GAS2L3: variants seen among roughly 807,000 people sequenced by gnomAD.
GAS2L3 encodes GAS2-like protein 3.
Under a neutral mutation model 37.0 loss-of-function variants are expected in GAS2L3, and 28 were observed. That is an observed-to-expected ratio of 0.76 (90% CI 0.56 to 1.04). GAS2L3 has a LOEUF of 1.04. Ranked by LOEUF, GAS2L3 falls within the 50% of genes least tolerant of loss-of-function variation. The probability of loss-of-function intolerance (pLI) is 0.00; values close to 1 mark genes in which losing one functional copy is unlikely to be tolerated. For missense variants in GAS2L3, 793 were observed against 817.6 expected (o/e 0.97, Z 0.37); for synonymous variants, 290 against 296.6 (o/e 0.98, Z 0.23).
chr12:100,591,490 A>G (rs1203946866), intron 1 of GAS2L3, among the ~76,000 whole-genome samples: 5 of 152,268 alleles, frequency 3.3e-5, no homozygotes, highest in African/African-American at 1.2e-4. Flanking sequence ...TTATAACTAT[A>G]TTTATTTTTG....
rs1004073612 is a variant in GAS2L3, at chr12:100,624,952, A to C, written c.*62A>C. ...TGAATGTGTTAGCTTCACATCTTAA[A>C]AGTTTCTCCTATTTGTGTCTGTCTA... On this transcript the variant is annotated 3_prime_UTR_variant, in exon 10 of 10. Coordinates refer to ENST00000547754, the MANE Select transcript of GAS2L3 (RefSeq NM_174942.3). 4 of 1,280,996 alleles carry C rather than the reference A, an allele frequency of 3.1e-6. No homozygotes were observed. The highest frequency in any genetic ancestry group is 4.4e-5 in the Admixed American group (2 of 45,650). The allele number at this position is 1,280,996 out of a possible 1,614,324, so 79.4% of individuals were successfully genotyped here.
chr12:100,614,572 T>A (rs1273020264), intron 6 of GAS2L3, among the ~76,000 whole-genome samples: 2 of 152,238 alleles, frequency 1.3e-5, no homozygotes, highest in Admixed American at 6.5e-5. Context: ...TTCACAATTT[T>A]AAAATGTACA....
rs1406168451 is a variant in GAS2L3 at position 100,623,550 on chromosome 12, C to T, written c.757-12C>T. The T allele has an allele frequency of 7.0e-6, 11 of 1,575,740 alleles. No homozygotes were observed. In the Admixed American group the frequency reaches 1.2e-4, roughly 17 times the overall value. On this transcript the variant is annotated splice_polypyrimidine_tract_variant and intron_variant, in intron 9 of 9. Coordinates refer to ENST00000547754, the MANE Select transcript of GAS2L3 (RefSeq NM_174942.3). ...TATTACAGCTTTACTTTTTGTTTTC[C>T]TTTGGGGGCAGATGCTTCATGGAAA...
At position 100,601,659 on chromosome 12, in the gene GAS2L3, A is replaced by T; in HGVS notation, c.209A>T (p.Lys70Ile). Reference sequence around the variant, plus strand: ...TTAGGTATTAAAGTTAAGGCAGAAAAATTATTGGAAGAACTTGATAATGGA... The same window carrying T: ...TTAGGTATTAAAGTTAAGGCAGAAATATTATTGGAAGAACTTGATAATGGA... ...GLLGIKVKAEKLLEELDNGVL... is the reference protein window; with the variant it reads ...GLLGIKVKAEILLEELDNGVL... The change falls in exon 5 of 10, where the codon AAA becomes ATA. Residue 70 changes from lysine to isoleucine, a missense_variant. By Grantham distance (102) the Lys-to-Ile change is moderately radical (BLOSUM62 -3). Transcript: ENST00000547754. 6.3e-7 allele frequency: 1 copy of T among 1,575,868 alleles called. No individual in the cohort carries two copies. The highest frequency in any genetic ancestry group is 8.7e-7 in the Non-Finnish European group (1 of 1,147,486).
rs150510055 is a variant in GAS2L3, at chr12:100,595,955, TCTTTC to T, written c.18+1045_18+1049del. Among the ~76,000 whole-genome samples, 1,347 of 152,146 alleles carry T rather than the reference TCTTTC, an allele frequency of 8.9e-3. 5 individuals are homozygous for T. The highest frequency in any genetic ancestry group is 0.012 in the Admixed American group (186 of 15,268). ...TTCCTTCCCCTCCTCCTTCTTCTCT[TCTTTC>T]CTTTCCTTTCCCTTATCAATTTAAC... On this transcript the variant is annotated intron_variant, in intron 3 of 9. Coordinates refer to ENST00000547754, the MANE Select transcript of GAS2L3 (RefSeq NM_174942.3).
chr12:100,600,704 T>C (rs1393268398), intron 4 of GAS2L3, among the ~76,000 whole-genome samples, 154 bp downstream of exon 4: 2 of 152,190 alleles, frequency 1.3e-5, no homozygotes, highest in African/African-American at 4.8e-5. Context: ...AGGTTACATT[T>C]CAGCTGGGGA....
chr12:100,575,725 G>A (rs117282890), intron 1 of GAS2L3, among the ~76,000 whole-genome samples: 6,337 of 151,892 alleles, frequency 0.042, 269 homozygotes, highest in South Asian at 0.17. Flanking sequence ...TGTTCCGCCC[G>A]ACTCGGCCTC....
At chr12:100,621,893 GAGAGAGAGAGAGAGAA>G (rs1956258224) in intron 8 of GAS2L3, among the ~76,000 whole-genome samples, 1 of 150,372 alleles carries the variant, frequency 6.7e-6, no homozygotes, top group African/African-American at 2.5e-5. Flanking sequence ...GAGAGAGAGA[GAGAGAGAGAGAGAGAA>G]AGAGAGAGAG....
chr12:100,589,332 A>T (rs1955817967), intron 1 of GAS2L3, among the ~76,000 whole-genome samples: 2 of 137,638 alleles, frequency 1.5e-5, no homozygotes, highest in South Asian at 4.7e-4. Context: ...CCCTTTTATA[A>T]TAGCTGCAAA....
At chr12:100,586,648 A>G (rs1338948095) in intron 1 of GAS2L3, among the ~76,000 whole-genome samples, 2 of 152,140 alleles carry the variant, frequency 1.3e-5, no homozygotes, top group East Asian at 1.9e-4. Context: ...ACAAACTAAT[A>G]CTCTTAAGGT....
intron 1 of GAS2L3, among the ~76,000 whole-genome samples, chr12:100,582,218 C>T (rs1485771597): frequency 1.3e-5 from 2 of 152,142 alleles, no homozygotes; most frequent in Non-Finnish European, 2.9e-5. Context: ...GGGCAGGGGC[C>T]GGAGTTACAA....
Position 100,579,398 on chromosome 12 carries a change from C to A in GAS2L3, c.-152+5613C>A. On this transcript the variant is annotated intron_variant, in intron 1 of 9. Transcript: ENST00000547754. Reference sequence around the variant, plus strand: ...AGATCCTATTGACTTCACTCCAGACCCATTTAGAAGGCATGATAGTATAAC... The same window carrying A: ...AGATCCTATTGACTTCACTCCAGACACATTTAGAAGGCATGATAGTATAAC... The A allele has an allele frequency of 4.3e-6, 4 of 938,230 alleles. No homozygotes were observed. In the South Asian group the frequency reaches 6.1e-5, roughly 14 times the overall value. The allele number at this position is 938,230 out of a possible 1,614,324, so 58.1% of individuals were successfully genotyped here.
In GAS2L3 at chr12:100,616,616, C is replaced by CA. The variant is rs1422036052; in HGVS notation, c.446-1125dup. ...ATGCCTAGCTAATTAAAAAAACAAA[C>CA]AAACAAAAAAACTGTAGAAACAGGG... On this transcript the variant is annotated intron_variant, in intron 6 of 9. Coordinates refer to ENST00000547754, the MANE Select transcript of GAS2L3 (RefSeq NM_174942.3). Among the ~76,000 whole-genome samples the CA allele has an allele frequency of 1.5e-3, 161 of 109,474 alleles. 1 individual carries two copies. Among genetic ancestry groups the CA allele is most frequent in the South Asian group, 0.01 (42 of 4,026 alleles). The allele number at this position is 109,474 out of a possible 152,430, so 71.8% of individuals were successfully genotyped here.
chr12:100,591,160 TTAACCCCA>T (rs1955841964), intron 1 of GAS2L3, among the ~76,000 whole-genome samples: 1 of 152,198 alleles, frequency 6.6e-6, no homozygotes, highest in South Asian at 2.1e-4. Context: ...AACTGGTATA[TTAACCCCA>T]TAAGGGCAGA....
chr12:100,587,193 T>G (rs182821413), intron 1 of GAS2L3, among the ~76,000 whole-genome samples: 3 of 152,002 alleles, frequency 2.0e-5, no homozygotes, highest in African/African-American at 7.3e-5. Context: ...TTCCACAAGA[T>G]AGAGAAAGAA....
At chr12:100,577,570 C>G (rs2136366708) in intron 1 of GAS2L3, among the ~76,000 whole-genome samples, 1 of 152,206 alleles carries the variant, frequency 6.6e-6, no homozygotes, top group South Asian at 2.1e-4. Flanking sequence ...TTATTTTTCT[C>G]TTAAAAATCT....
At chr12:100,611,819 G>T (rs900353410) in intron 5 of GAS2L3, among the ~76,000 whole-genome samples, 181 bp from the exon 6 acceptor site, 1 of 152,012 alleles carries the variant, frequency 6.6e-6, no homozygotes, top group African/African-American at 2.4e-5. Context: ...TGTGGCCCAG[G>T]GGTTGGGGAC....
At chr12:100,590,351 T>C (rs1193513703) in intron 1 of GAS2L3, among the ~76,000 whole-genome samples, 4 of 151,976 alleles carry the variant, frequency 2.6e-5, no homozygotes, top group Non-Finnish European at 5.9e-5. Flanking sequence ...GAAATGCAAA[T>C]GAAAACCACA....
intron 1 of GAS2L3, among the ~76,000 whole-genome samples, chr12:100,586,592 GA>G (rs1955784606): frequency 6.6e-6 from 1 of 152,104 alleles, no homozygotes; most frequent in Non-Finnish European, 1.5e-5. Flanking sequence ...GTGCTAAGAG[GA>G]AAGTTCATTG....
Sources: allele counts gnomAD v4.1 joint callset (sites outside exome capture counted in the v4.1 genomes callset), GRCh38; gene constraint gnomAD v4.1.1; transcripts MANE v1.5; gene names NCBI Gene and HGNC (gene_info 2026-07-23, HGNC 2026-07-21).